Variants in MACROD2 observed in about 807,000 individuals in gnomAD.
The protein encoded by MACROD2 is mono-ADP ribosylhydrolase 2.
In MACROD2, 36 loss-of-function variants were observed where a neutral mutation model predicts 70.4. The observed-to-expected ratio is 0.51, with a 90% CI of 0.39 to 0.68. MACROD2 has a LOEUF of 0.68. Ranked by LOEUF, MACROD2 falls within the 30% of genes least tolerant of loss-of-function variation. The pLI is 0.00. For synonymous variants in MACROD2, 172 were observed against 178.8 expected, an observed-to-expected ratio of 0.96 and a Z score of 0.30; for missense variants, 496 against 538.4, an observed-to-expected ratio of 0.92 and a Z score of 0.78.
chr20:15,371,398 A>G (rs2045492069), intron 6 of MACROD2, among the ~76,000 whole-genome samples: 1 of 152,162 alleles, frequency 6.6e-6, no homozygotes, highest in Admixed American at 6.5e-5. Flanking sequence ...TATCCAGAAT[A>G]AGTTAACTTT....
chr20:15,603,461 T>C (rs910074608), intron 8 of MACROD2, among the ~76,000 whole-genome samples: 6 of 148,892 alleles, frequency 4.0e-5, no homozygotes, highest in African/African-American at 1.5e-4. Flanking sequence ...TGAGCCAAGA[T>C]TGTGCCACTT....
chr20:14,781,768 G>A lies in MACROD2; in HGVS notation c.418+96809G>A, dbSNP rs569732888. On this transcript the variant is annotated intron_variant, in intron 5 of 17. Coordinates refer to ENST00000684519, the MANE Select transcript of MACROD2 (RefSeq NM_001351661.2). ...AGGAGCTTCTTGGCAGTCAAACCAA[G>A]GCAAAAAGAGGCAGATTTAGTTATG... Among the ~76,000 whole-genome samples, 3 of 151,610 alleles carry A rather than the reference G, an allele frequency of 2.0e-5. No homozygotes were observed. The South Asian group carries it at 6.2e-4, about 32-fold the overall frequency.
chr20:14,169,462 G>A (rs907944800), intron 3 of MACROD2, among the ~76,000 whole-genome samples: 1 of 147,506 alleles, frequency 6.8e-6, no homozygotes, highest in Non-Finnish European at 1.5e-5. Flanking sequence ...GTGCCACCAC[G>A]CCAAGCTAAT....
At chr20:14,144,934 C>T (rs1480878322) in intron 3 of MACROD2, among the ~76,000 whole-genome samples, 2 of 152,192 alleles carry the variant, frequency 1.3e-5, no homozygotes, top group African/African-American at 4.8e-5. Flanking sequence ...CTCTCTATCT[C>T]AGTTCGCAGC....
At chr20:15,656,354 A>G (rs2049730525) in intron 8 of MACROD2, among the ~76,000 whole-genome samples, 1 of 152,234 alleles carries the variant, frequency 6.6e-6, no homozygotes, top group African/African-American at 2.4e-5. Flanking sequence ...AGCAGGAAAT[A>G]TAAACATGTA....
chr20:15,448,518 G>A (rs937964026), intron 7 of MACROD2, among the ~76,000 whole-genome samples: 16 of 152,144 alleles, frequency 1.1e-4, no homozygotes, highest in East Asian at 3.9e-4. Context: ...TTTCCTCACC[G>A]TTATGTCCCC....
At chr20:15,033,791 A>G (rs1600978392) in intron 5 of MACROD2, among the ~76,000 whole-genome samples, 1 of 152,336 alleles carries the variant, frequency 6.6e-6, no homozygotes, top group South Asian at 2.1e-4. Context: ...CTCTACAGTG[A>G]CAAGTTTCAC....
chr20:15,229,202 CTTG>C (rs1377315791), intron 5 of MACROD2, among the ~76,000 whole-genome samples: 1 of 152,022 alleles, frequency 6.6e-6, no homozygotes, highest in Non-Finnish European at 1.5e-5. Context: ...AGCACAATGG[CTTG>C]TTGTGTATAA....
Position 14,442,547 on chromosome 20 carries a change from C to T in MACROD2, c.272-50932C>T, listed in dbSNP as rs150521515. Among the ~76,000 whole-genome samples, 612 of 152,142 alleles carry T rather than the reference C, an allele frequency of 4.0e-3. 7 individuals are homozygous for T. Among genetic ancestry groups the T allele is most frequent in the African/African-American group, 0.014 (576 of 41,456 alleles). The stretch of plus-strand genomic sequence containing the variant: ...ATAATACAAACTTCTTTCTCTTTCT[C>T]TTCTTCTCTTTCTTTCTTTTAAACT... On this transcript the variant is annotated intron_variant, in intron 3 of 17. Transcript: ENST00000684519.
chr20:15,717,181 A>AGG, intron 8 of MACROD2, among the ~76,000 whole-genome samples: 1 of 152,352 alleles, frequency 6.6e-6, no homozygotes, highest in East Asian at 1.9e-4. Flanking sequence ...AGGGCTAATA[A>AGG]CTGGAGTTGT....
intron 5 of MACROD2, among the ~76,000 whole-genome samples, chr20:14,974,669 C>A (rs2074722259): frequency 6.6e-6 from 1 of 152,108 alleles, no homozygotes; most frequent in African/African-American, 2.4e-5. Flanking sequence ...AAATGGACCA[C>A]CTCAGGCAAC....
chr20:14,488,591 C>T (rs2084760703), intron 3 of MACROD2, among the ~76,000 whole-genome samples: 1 of 152,076 alleles, frequency 6.6e-6, no homozygotes, highest in Non-Finnish European at 1.5e-5. Flanking sequence ...GGGAGGGCTG[C>T]AATACACACA....
intron 5 of MACROD2, among the ~76,000 whole-genome samples, chr20:14,867,304 G>A (rs1600745569): frequency 6.6e-6 from 1 of 152,234 alleles, no homozygotes; most frequent in African/African-American, 2.4e-5. Context: ...TGTAGATTTT[G>A]AACCTTGATA....
intron 9 of MACROD2, among the ~76,000 whole-genome samples, chr20:15,875,841 G>A (rs569001698): frequency 8.6e-5 from 13 of 152,024 alleles, no homozygotes; most frequent in South Asian, 6.2e-4. Context: ...TATAGAGACC[G>A]CTGCAGGGTG....
At chr20:14,839,621 T>C (rs2073066064) in intron 5 of MACROD2, among the ~76,000 whole-genome samples, 1 of 152,064 alleles carries the variant, frequency 6.6e-6, no homozygotes, top group African/African-American at 2.4e-5. Flanking sequence ...TCTGAGTATG[T>C]CCCCAGAACT....
chr20:15,647,208 C>A (rs541807893), intron 8 of MACROD2, among the ~76,000 whole-genome samples: 1 of 152,256 alleles, frequency 6.6e-6, no homozygotes, highest in Admixed American at 6.5e-5. Flanking sequence ...GTACAAATGT[C>A]ATAGAATTAT....
chr20:15,574,581 A>T (rs953885429), intron 8 of MACROD2, among the ~76,000 whole-genome samples: 3 of 152,162 alleles, frequency 2.0e-5, no homozygotes, highest in Non-Finnish European at 4.4e-5. Flanking sequence ...AGCTCTCGCA[A>T]TTGGGAATCT....
intron 6 of MACROD2, among the ~76,000 whole-genome samples, chr20:15,402,601 A>T (rs1343138571): frequency 6.6e-6 from 1 of 152,200 alleles, no homozygotes; most frequent in Non-Finnish European, 1.5e-5. Context: ...TGAATATGTG[A>T]GCCGCCATGA....
chr20:15,680,607 C>T (rs1374792936), intron 8 of MACROD2, among the ~76,000 whole-genome samples: 1 of 152,196 alleles, frequency 6.6e-6, no homozygotes, highest in Admixed American at 6.5e-5. Flanking sequence ...ATTGTGAATT[C>T]AGGAGTCAGT....
Sources: gnomAD v4.1 joint callset for allele counts (sites outside exome capture counted in the v4.1 genomes callset) on GRCh38, gnomAD v4.1.1 for gene constraint, MANE v1.5 for transcripts, NCBI Gene and HGNC (gene_info 2026-07-23, HGNC 2026-07-21) for gene names.